NUP62CL: variants seen among roughly 807,000 people sequenced by gnomAD.
NUP62CL encodes the protein nucleoporin 62 C-terminal like.
A neutral mutation model predicts 15.3 loss-of-function variants in NUP62CL; 13 were observed. That is an observed-to-expected ratio of 0.85 (90% CI 0.55 to 1.35). NUP62CL has a LOEUF of 1.35. NUP62CL is among the 40% of genes most tolerant of loss of function. The probability of loss-of-function intolerance (pLI) is 0.00; values close to 1 mark genes in which losing one functional copy is unlikely to be tolerated. For synonymous variants in NUP62CL, 54 were observed against 49.2 expected (o/e 1.10, Z -0.41); for missense variants, 123 against 130.6 (o/e 0.94, Z 0.28).
chrX:107,127,628 A>G (rs1925420062), intron 8 of NUP62CL, among the ~76,000 whole-genome samples: 1 of 111,588 alleles, frequency 9.0e-6, no homozygotes, highest in African/African-American at 3.3e-5. Flanking sequence ...GACTTCTAGA[A>G]ACTGTAATTA....
intron 2 of NUP62CL, among the ~76,000 whole-genome samples, chrX:107,189,877 A>AAAAG (rs55670914): frequency 0.11 from 6,338 of 56,144 alleles, 598 homozygotes; most frequent in Non-Finnish European, 0.14. Context: ...AAAAAGAAAG[A>AAAAG]AAAGAAAGAA....
intron 7 of NUP62CL, among the ~76,000 whole-genome samples, chrX:107,152,944 A>G (rs1196999789): frequency 2.7e-5 from 3 of 112,260 alleles, no homozygotes; most frequent in Non-Finnish European, 5.6e-5. Flanking sequence ...AACAGTAAAC[A>G]AAATGCTATA....
At chrX:107,169,655 T>G in intron 3 of NUP62CL, among the ~76,000 whole-genome samples, 1 of 111,728 alleles carries the variant, frequency 9.0e-6, no homozygotes. Context: ...TTTACAACCA[T>G]AAGTCATCAT....
At chrX:107,168,734 A>C (rs1926573592) in intron 3 of NUP62CL, among the ~76,000 whole-genome samples, 1 of 112,589 alleles carries the variant, frequency 8.9e-6, no homozygotes, top group Admixed American at 9.4e-5. Context: ...TGTAACAAGA[A>C]ATATGTTATG....
chrX:107,174,637 C>G (rs1377671852), intron 3 of NUP62CL, among the ~76,000 whole-genome samples: 1 of 111,553 alleles, frequency 9.0e-6, no homozygotes, highest in Non-Finnish European at 1.9e-5. Context: ...ACAGCTGGCC[C>G]TTTGTCATGT....
intron 2 of NUP62CL, among the ~76,000 whole-genome samples, chrX:107,189,613 A>AAATAATAATAATAATAATAATAAT (rs112376938): frequency 1.0e-5 from 1 of 99,879 alleles, no homozygotes; most frequent in African/African-American, 3.9e-5. Context: ...CCGTCCCTAC[A>AAATAATAATAATAATAATAATAAT]AATAATAATA....
chrX:107,197,399 T>G (rs1354686159), intron 1 of NUP62CL, among the ~76,000 whole-genome samples: 2 of 110,719 alleles, frequency 1.8e-5, no homozygotes, highest in Non-Finnish European at 3.8e-5. Flanking sequence ...GGGAAACAGG[T>G]CTGTACTCCC....
Position 107,182,005 on chromosome X carries a change from G to C in NUP62CL, c.-47-6812C>G, listed in dbSNP as rs562727788. Among the ~76,000 whole-genome samples, 7 of 111,660 alleles carry C rather than the reference G, an allele frequency of 6.3e-5. No individual in the cohort carries two copies. The South Asian group carries it at 2.3e-3, about 36-fold the overall frequency. On this transcript the variant is annotated intron_variant, in intron 2 of 8. Transcript: ENST00000372466. ...ACTATCTCTAATTAAATTTACACTT[G>C]ATTTATGCCCGTATTTAAAAATCTT...
intron 7 of NUP62CL, among the ~76,000 whole-genome samples, chrX:107,152,119 T>TATATATATATTCAG (rs1926047513): frequency 2.0e-5 from 1 of 48,866 alleles, no homozygotes; most frequent in African/African-American, 9.4e-5. Flanking sequence ...TATATTCAGA[T>TATATATATATTCAG]ATATATATAT....
intron 7 of NUP62CL, among the ~76,000 whole-genome samples, chrX:107,148,042 T>C (rs1489942163): frequency 9.0e-6 from 1 of 111,190 alleles, no homozygotes; most frequent in Admixed American, 9.6e-5. Context: ...TACCTACAAT[T>C]CAATAAGAAA....
intron 2 of NUP62CL, among the ~76,000 whole-genome samples, chrX:107,186,979 C>T (rs955639690): frequency 5.4e-5 from 6 of 111,855 alleles, no homozygotes; most frequent in South Asian, 3.7e-4. Context: ...AAACAAACAA[C>T]GACAAATTTA....
chrX:107,196,347 C>A (rs1927360523), intron 1 of NUP62CL, among the ~76,000 whole-genome samples: 1 of 111,817 alleles, frequency 8.9e-6, no homozygotes, highest in African/African-American at 3.2e-5. Flanking sequence ...CAGTTTCTGA[C>A]AAAGGTGTTT....
chrX:107,200,661 A>T (rs1927461373), intron 1 of NUP62CL, among the ~76,000 whole-genome samples: 1 of 106,746 alleles, frequency 9.4e-6, no homozygotes, highest in African/African-American at 3.4e-5. Context: ...ATCTTGGAGG[A>T]GCTGAGAAGG....
intron 4 of NUP62CL, 55 bp downstream of exon 4, chrX:107,167,594 T>C: frequency 1.1e-6 from 1 of 902,566 alleles, no homozygotes; most frequent in Non-Finnish European, 1.6e-6. Flanking sequence ...AGCAAATGTC[T>C]TGTACATGAT....
chrX:107,133,251 C>T (rs1925561779), intron 8 of NUP62CL, among the ~76,000 whole-genome samples: 1 of 111,647 alleles, frequency 9.0e-6, no homozygotes, highest in Admixed American at 9.5e-5. Flanking sequence ...CTGACCTACC[C>T]TGCTGTCTTC....
intron 1 of NUP62CL, among the ~76,000 whole-genome samples, chrX:107,204,869 A>G (rs866416827): frequency 3.2e-5 from 2 of 62,276 alleles, no homozygotes; most frequent in Non-Finnish European, 2.6e-5. Context: ...TTTTAAATAA[A>G]TTATTTAAAT....
intron 4 of NUP62CL, among the ~76,000 whole-genome samples, chrX:107,165,049 C>G (rs1057065521): frequency 9.0e-6 from 1 of 111,375 alleles, no homozygotes; most frequent in Non-Finnish European, 1.9e-5. Flanking sequence ...TGCAGTGAGC[C>G]GAGATCGTGC....
intron 8 of NUP62CL, among the ~76,000 whole-genome samples, chrX:107,134,481 T>G (rs190366961): frequency 1.4e-3 from 157 of 112,199 alleles, no homozygotes; most frequent in African/African-American, 5.0e-3. Flanking sequence ...TAAATCAAGT[T>G]CTGGCTCTGT....
intron 3 of NUP62CL, among the ~76,000 whole-genome samples, chrX:107,168,437 G>A (rs1926565883): frequency 9.0e-6 from 1 of 111,677 alleles, no homozygotes; most frequent in Non-Finnish European, 1.9e-5. Flanking sequence ...GTCTTTTTCT[G>A]TTACACCCCT....
Sources: allele counts gnomAD v4.1 joint callset (sites outside exome capture counted in the v4.1 genomes callset), GRCh38; gene constraint gnomAD v4.1.1; transcripts MANE v1.5; gene names NCBI Gene and HGNC (gene_info 2026-07-23, HGNC 2026-07-21).